FBXO25: variants seen among roughly 807,000 people sequenced by gnomAD.
The protein encoded by FBXO25 is F-box protein 25.
Under a neutral mutation model 51.9 loss-of-function variants are expected in FBXO25, and 45 were observed. That is an observed-to-expected ratio of 0.87 (90% confidence interval 0.68 to 1.11). FBXO25 has a LOEUF of 1.11. Ranked by LOEUF, FBXO25 falls within the 50% of genes most tolerant of loss-of-function variation. The pLI, the probability that FBXO25 is intolerant of heterozygous loss-of-function variation, is 0.00. For synonymous variants in FBXO25, 199 were observed against 151.0 expected (o/e 1.32, Z -2.33); for missense variants, 507 against 428.5 (o/e 1.18, Z -1.62).
intron 2 of FBXO25, among the ~76,000 whole-genome samples, chr8:414,268 A>T (rs868158066): frequency 2.0e-5 from 3 of 152,234 alleles, no homozygotes; most frequent in African/African-American, 7.2e-5. Flanking sequence ...GCTTGTAATT[A>T]TGCTGTTGGT....
At chr8:465,953 C>T (rs1379893110) in intron 9 of FBXO25, among the ~76,000 whole-genome samples, 1 of 152,172 alleles carries the variant, frequency 6.6e-6, no homozygotes, top group African/African-American at 2.4e-5. Flanking sequence ...TTGATCATAT[C>T]ATGGAAATTG....
chr8:408,597 G>A (rs908146392), intron 1 of FBXO25, among the ~76,000 whole-genome samples: 5 of 152,236 alleles, frequency 3.3e-5, no homozygotes, highest in Admixed American at 6.5e-5. Context: ...AGAGTAATGC[G>A]TAGCCTATGG....
At chr8:428,868 A>T (rs906787052) in intron 2 of FBXO25, among the ~76,000 whole-genome samples, 2 of 152,156 alleles carry the variant, frequency 1.3e-5, no homozygotes, top group African/African-American at 4.8e-5. Flanking sequence ...ATGTGTCAGC[A>T]TTTCCTTTTT....
intron 7 of FBXO25, among the ~76,000 whole-genome samples, chr8:456,283 C>T (rs1442966419): frequency 2.6e-5 from 4 of 152,132 alleles, no homozygotes; most frequent in African/African-American, 9.7e-5. Context: ...AGTCATAGCT[C>T]ACTGCAGCCT....
At position 472,515 on chromosome 8, in the gene FBXO25, C is replaced by G. The variant is rs1006546043; in HGVS notation, c.*3711C>G. On this transcript the variant is annotated 3_prime_UTR_variant, in exon 10 of 10. Transcript: ENST00000350302. ...TTGGTTCCAAGACCCCCACCCCCAC[C>G]CCACCTGCCACCCACCACCTTGTGA... 6.6e-6 allele frequency: 1 copy of G among 152,006 alleles called. No individual in the cohort carries two copies. Among genetic ancestry groups the G allele is most frequent in the Non-Finnish European group, 1.5e-5 (1 of 68,090 alleles). 9.4% of individuals were successfully genotyped at this position (152,006 alleles called of 1,614,324 possible).
chr8:447,677 C>A (rs1328140395), intron 5 of FBXO25, among the ~76,000 whole-genome samples: 1 of 152,054 alleles, frequency 6.6e-6, no homozygotes, highest in African/African-American at 2.4e-5. Flanking sequence ...GGGATACAAG[C>A]CTAAACATGA....
intron 2 of FBXO25, among the ~76,000 whole-genome samples, chr8:419,225 C>T (rs1050793630): frequency 2.0e-5 from 3 of 151,836 alleles, no homozygotes; most frequent in South Asian, 2.1e-4. Context: ...AAAAATTAGC[C>T]GAGCGTGGTG....
At chr8:422,197 T>G (rs1213933036) in intron 2 of FBXO25, among the ~76,000 whole-genome samples, 1 of 152,206 alleles carries the variant, frequency 6.6e-6, no homozygotes, top group Non-Finnish European at 1.5e-5. Context: ...TACTTTACAG[T>G]GGAGAAACCT....
intron 2 of FBXO25, among the ~76,000 whole-genome samples, chr8:426,372 A>G (rs1462367211): frequency 1.3e-5 from 2 of 152,200 alleles, no homozygotes; most frequent in Admixed American, 6.5e-5. Context: ...AACCTATTCT[A>G]TTCTGGACCT....
At chr8:468,111 C>G in intron 9 of FBXO25, 4 of 1,060,990 alleles carry the variant, frequency 3.8e-6, no homozygotes, top group Non-Finnish European at 4.5e-6. Flanking sequence ...AAGAGTCTGC[C>G]AGTCTTCATC....
chr8:417,944 A>G (rs1796908387), intron 2 of FBXO25, among the ~76,000 whole-genome samples: 1 of 152,182 alleles, frequency 6.6e-6, no homozygotes, highest in Admixed American at 6.6e-5. Context: ...AGAATCGTAT[A>G]TTTAAAATTC....
chr8:437,503 C>T (rs1456457962), intron 5 of FBXO25, among the ~76,000 whole-genome samples: 2 of 152,216 alleles, frequency 1.3e-5, no homozygotes, highest in South Asian at 2.1e-4. Context: ...CTCCTGAAGT[C>T]GCTCTGGACC....
At chr8:415,406 A>G (rs1251518347) in intron 2 of FBXO25, among the ~76,000 whole-genome samples, 1 of 152,234 alleles carries the variant, frequency 6.6e-6, no homozygotes, top group African/African-American at 2.4e-5. Flanking sequence ...TCTTTCAAGC[A>G]ACATTCATGA....
intron 7 of FBXO25, 49 bp from the exon 8 acceptor site, chr8:458,320 C>T (rs749532758): frequency 6.3e-7 from 1 of 1,582,334 alleles, no homozygotes; most frequent in Non-Finnish European, 8.6e-7. Flanking sequence ...ACTGTGTGAA[C>T]AAACATTGGC....
At position 476,762 on chromosome 8, in the gene FBXO25, A is replaced by G. The variant is rs557002199; in HGVS notation, c.*7958A>G. 1 of 151,530 alleles carries G rather than the reference A, an allele frequency of 6.6e-6. No homozygotes were observed. The highest frequency in any genetic ancestry group is 1.5e-5 in the Non-Finnish European group (1 of 67,850). 9.4% of individuals were successfully genotyped at this position (151,530 alleles called of 1,614,324 possible). ...TATCAACAAACTCTTGGTTTCATTT[A>G]TTTTTCTCTATTGCTTTTCTGTTCT... On this transcript the variant is annotated 3_prime_UTR_variant, in exon 10 of 10. Coordinates refer to ENST00000350302, the MANE Select transcript of FBXO25 (RefSeq NM_183420.2).
At chr8:468,366 A>G (rs1280576815) in intron 9 of FBXO25, 1 of 734,740 alleles carries the variant, frequency 1.4e-6, no homozygotes, top group East Asian at 1.3e-4. Flanking sequence ...CTGGGACCAG[A>G]GGACAGAAAG....
At chr8:423,372 G>T (rs1054161919) in intron 2 of FBXO25, among the ~76,000 whole-genome samples, 3 of 152,172 alleles carry the variant, frequency 2.0e-5, no homozygotes, top group African/African-American at 7.2e-5. Flanking sequence ...GCATGAGGCT[G>T]GGGTTTGGAG....
At chr8:457,716 G>A (rs1027608337) in intron 7 of FBXO25, among the ~76,000 whole-genome samples, 1 of 152,198 alleles carries the variant, frequency 6.6e-6, no homozygotes, top group Admixed American at 6.5e-5. Context: ...ATGACTTGAG[G>A]TGATGGACAG....
chr8:468,126 A>G lies in FBXO25; in HGVS notation c.988-589A>G, dbSNP rs1019149029. 5.7e-6 allele frequency: 6 copies of G among 1,047,294 alleles called. No individual in the cohort carries two copies. The African/African-American group carries it at 8.5e-5, about 15-fold the overall frequency. 64.9% of individuals were successfully genotyped at this position (1,047,294 alleles called of 1,614,324 possible). A position where few individuals can be genotyped will look rare whatever the true frequency, so the allele number is the denominator to read the frequency against. On this transcript the variant is annotated intron_variant, in intron 9 of 9. Transcript: ENST00000350302. Reference sequence around the variant, plus strand: ...AAGAGTCTGCCAGTCTTCATCCACAAAATTAATTTTTCTGTCGTCACTTCT... The same window carrying G: ...AAGAGTCTGCCAGTCTTCATCCACAGAATTAATTTTTCTGTCGTCACTTCT...
Sources: gnomAD v4.1 joint callset for allele counts (sites outside exome capture counted in the v4.1 genomes callset) on GRCh38, gnomAD v4.1.1 for gene constraint, MANE v1.5 for transcripts, NCBI Gene and HGNC (gene_info 2026-07-23, HGNC 2026-07-21) for gene names.